ZNF334: variants seen among roughly 807,000 people sequenced by gnomAD.
The protein encoded by ZNF334 is zinc finger protein 334.
In ZNF334, 14 loss-of-function variants were observed where a neutral mutation model predicts 12.4. The ratio of observed to expected loss-of-function variants is 1.13; its 90% CI spans 0.74 to 1.76. The LOEUF (loss-of-function observed/expected upper bound fraction) is 1.76. Ranked by LOEUF, ZNF334 falls within the 40% of genes most tolerant of loss-of-function variation. The pLI is 0.00. For missense variants in ZNF334, 797 were observed against 804.5 expected, an observed-to-expected ratio of 0.99 and a Z score of 0.11; for synonymous variants, 273 against 269.6, an observed-to-expected ratio of 1.01 and a Z score of -0.12.
the ZNF334 span, among the ~76,000 whole-genome samples, chr20:46,465,740 G>A: frequency 8.2e-4 from 124 of 151,964 alleles, 1 homozygote; most frequent in Admixed American, 8.0e-3. Context: ...GGATCATGAG[G>A]TCAGGAGATT....
At chr20:46,509,603 ACCT>A in intron 2 of ZNF334, 1 of 702,868 alleles carries the variant, frequency 1.4e-6, no homozygotes, top group Non-Finnish European at 2.6e-6. Flanking sequence ...TCATCTGCCC[ACCT>A]CCTTCTCATT....
the ZNF334 span, chr20:46,492,949 G>C: frequency 3.9e-5 from 6 of 152,014 alleles, no homozygotes; most frequent in African/African-American, 1.4e-4. Flanking sequence ...TTAGCAGGGC[G>C]TGGTGGTGCA....
downstream of ZNF334, among the ~76,000 whole-genome samples, chr20:46,498,805 G>A (rs2061066802): frequency 6.6e-6 from 1 of 152,166 alleles, no homozygotes; most frequent in Admixed American, 6.5e-5. Context: ...CATACTGGAG[G>A]AGGGCAGGCC....
At chr20:46,478,804 C>T in the ZNF334 span, among the ~76,000 whole-genome samples, 1 of 152,066 alleles carries the variant, frequency 6.6e-6, no homozygotes. Flanking sequence ...GGTGGCTGGG[C>T]CCTGCTGGCT....
At chr20:46,476,682 T>C in the ZNF334 span, among the ~76,000 whole-genome samples, 1,242 of 152,332 alleles carry the variant, frequency 8.2e-3, 25 homozygotes, top group African/African-American at 0.029. Flanking sequence ...ATTATGCTGC[T>C]GACAAAAAAG....
the ZNF334 span, among the ~76,000 whole-genome samples, chr20:46,493,820 C>T: frequency 2.0e-5 from 3 of 152,258 alleles, no homozygotes; most frequent in East Asian, 3.9e-4. Context: ...ATCCCAGCTA[C>T]TAGGGAGGCT....
the ZNF334 span, among the ~76,000 whole-genome samples, chr20:46,479,210 G>C: frequency 3.1e-4 from 47 of 152,176 alleles, no homozygotes; most frequent in East Asian, 7.7e-3. Context: ...TCTTGCTTCT[G>C]GAGGCTCCTA....
At chr20:46,471,392 T>C in the ZNF334 span, among the ~76,000 whole-genome samples, 1 of 152,218 alleles carries the variant, frequency 6.6e-6, no homozygotes, top group East Asian at 1.9e-4. Flanking sequence ...AATACCTTCT[T>C]CCATTCTTTG....
At chr20:46,478,683 T>C in the ZNF334 span, among the ~76,000 whole-genome samples, 1 of 152,168 alleles carries the variant, frequency 6.6e-6, no homozygotes. Context: ...AGAGGTCCAT[T>C]GCAGTGGTTG....
chr20:46,481,835 G>A, the ZNF334 span, among the ~76,000 whole-genome samples: 3 of 152,194 alleles, frequency 2.0e-5, no homozygotes, highest in East Asian at 5.8e-4. Context: ...CATTGTGGTA[G>A]AATGAACAAT....
In ZNF334 at chr20:46,500,235, T is replaced by C. The variant is rs2061108250; in HGVS notation, c.*1061A>G. On this transcript the variant is annotated 3_prime_UTR_variant, in exon 5 of 5. Transcript: ENST00000692313. ...AGAATGCATAATGTGGCAGAGAAGC[T>C]AGGAATGGGTATAGGGAAAATCCCA... The C allele has an allele frequency of 6.6e-6, 1 of 152,084 alleles. No individual in the cohort carries two copies. Among genetic ancestry groups the C allele is most frequent in the African/African-American group, 2.4e-5 (1 of 41,390 alleles). 9.4% of individuals were successfully genotyped at this position (152,084 alleles called of 1,614,324 possible).
chr20:46,464,520 G>C, the ZNF334 span: 1 of 465,570 alleles, frequency 2.1e-6, no homozygotes, highest in African/African-American at 2.0e-5. Context: ...GCAAATGAGA[G>C]CTCCGTTTCC....
chr20:46,498,144 G>A (rs576581142), downstream of ZNF334, among the ~76,000 whole-genome samples: 11 of 152,274 alleles, frequency 7.2e-5, no homozygotes, highest in Admixed American at 6.5e-5. Flanking sequence ...CACCTTTCTT[G>A]AAACCACTGC....
At chr20:46,478,600 T>C in the ZNF334 span, among the ~76,000 whole-genome samples, 3 of 152,206 alleles carry the variant, frequency 2.0e-5, no homozygotes, top group Admixed American at 1.3e-4. Context: ...TAATGAGGCA[T>C]GTCCGACCCC....
chr20:46,502,735 T>C lies in ZNF334; in HGVS notation c.604A>G (p.Ile202Val). 1.2e-6 allele frequency: 2 copies of C among 1,613,854 alleles called. No homozygotes were observed. Among genetic ancestry groups the C allele is most frequent in the Non-Finnish European group, 1.7e-6 (2 of 1,180,014 alleles). Reference protein sequence around the residue: ...QNENLILHQNIQILKQPFDYN... With the variant: ...QNENLILHQNVQILKQPFDYN... ...TCAAACGGTTGTTTCAAAATCTGAA[T>C]GTTCTGGTGCAGAATAAGATTTTCG... Residue 202 changes from isoleucine to valine, a missense_variant, in exon 5 of 5, where the codon ATT (isoleucine) becomes GTT (valine). Physicochemically the swap from Ile to Val is conservative, Grantham distance 29. Transcript: ENST00000692313.
the ZNF334 span, among the ~76,000 whole-genome samples, chr20:46,489,128 C>T: frequency 6.6e-6 from 1 of 152,074 alleles, no homozygotes; most frequent in Non-Finnish European, 1.5e-5. Context: ...CCCCGACCCC[C>T]TTCCCCCTCT....
chr20:46,471,933 T>A, the ZNF334 span, among the ~76,000 whole-genome samples: 1 of 152,240 alleles, frequency 6.6e-6, no homozygotes, highest in African/African-American at 2.4e-5. Context: ...TACATTGTAA[T>A]GTTAACATCA....
chr20:46,475,162 T>C, the ZNF334 span, among the ~76,000 whole-genome samples: 4 of 152,202 alleles, frequency 2.6e-5, no homozygotes, highest in African/African-American at 9.7e-5. Context: ...TACTATTCTA[T>C]GAAAAATATA....
chr20:46,475,914 G>A, the ZNF334 span, among the ~76,000 whole-genome samples: 4 of 152,086 alleles, frequency 2.6e-5, no homozygotes, highest in African/African-American at 7.2e-5. Context: ...TTACTAATGG[G>A]CATTTATCCC....
Sources: allele counts gnomAD v4.1 joint callset (sites outside exome capture counted in the v4.1 genomes callset), GRCh38; gene constraint gnomAD v4.1.1; transcripts MANE v1.5; gene names NCBI Gene and HGNC (gene_info 2026-07-23, HGNC 2026-07-21).